Variants in CLCN7 observed in about 807,000 individuals in gnomAD.
The protein encoded by CLCN7 is Cl-/H+ antiporter 7, also known as H(+)/Cl(-) exchange transporter 7.
A neutral mutation model predicts 102.1 loss-of-function variants in CLCN7; 60 were observed. The observed-to-expected ratio is 0.59, with a 90% CI of 0.48 to 0.73. The LOEUF (loss-of-function observed/expected upper bound fraction) is 0.73, where lower values mean the gene tolerates loss of function less well. Among genes scored for constraint, CLCN7 ranks in the 30% least tolerant of loss-of-function variants. CLCN7 has a pLI of 0.00. For synonymous variants in CLCN7, 560 were observed against 490.5 expected, an observed-to-expected ratio of 1.14 and a Z score of -1.87; for missense variants, 962 against 1,125.7, an observed-to-expected ratio of 0.85 and a Z score of 2.08.
chr16:1,465,774 T>C (rs573037421), intron 1 of CLCN7, among the ~76,000 whole-genome samples: 8 of 152,326 alleles, frequency 5.3e-5, no homozygotes, highest in African/African-American at 1.2e-4. Flanking sequence ...TCTCTGGGTC[T>C]TGAGACACAA....
chr16:1,460,632 G>T, intron 5 of CLCN7, 105 bp from the exon 6 acceptor site: 2 of 1,269,232 alleles, frequency 1.6e-6, no homozygotes, highest in Non-Finnish European at 2.3e-6. Context: ...CCTGCTGGGT[G>T]GAGCCATGAT....
chr16:1,450,140 C>A (rs2038721535), intron 17 of CLCN7: 2 of 355,776 alleles, frequency 5.6e-6, no homozygotes, highest in Non-Finnish European at 1.1e-5. Context: ...GGCCCCCGGC[C>A]TCACAGAGAG....
chr16:1,446,613 T>G lies in CLCN7; in HGVS notation c.*18A>C, dbSNP rs2038648353. Reference sequence around the variant, plus strand: ...CCGGGGTGCCAGCGCCAGTGCCCATTATGGGCAGGGCTGGGCCTCACGTCT... The same window carrying G: ...CCGGGGTGCCAGCGCCAGTGCCCATGATGGGCAGGGCTGGGCCTCACGTCT... On this transcript the variant is annotated 3_prime_UTR_variant, in exon 25 of 25. Coordinates refer to ENST00000382745, the MANE Select transcript of CLCN7 (RefSeq NM_001287.6). 11 of 1,548,214 alleles carry G rather than the reference T, an allele frequency of 7.1e-6. No individual in the cohort carries two copies. The highest frequency in any genetic ancestry group is 9.6e-6 in the Non-Finnish European group (11 of 1,142,770).
chr16:1,446,542 G>A lies in CLCN7; in HGVS notation c.*89C>T, dbSNP rs372232215. ...CGCCATTGCCACTGCTGGGGAGCAT[G>A]GTTTGGGCCGAGAAACCAGTGACTC... On this transcript the variant is annotated 3_prime_UTR_variant, in exon 25 of 25. Coordinates refer to ENST00000382745, the MANE Select transcript of CLCN7 (RefSeq NM_001287.6). The A allele has an allele frequency of 1.3e-4, 164 of 1,230,824 alleles. 2 individuals are homozygous for A. In the East Asian group the frequency reaches 1.6e-3, roughly 12 times the overall value. 76.2% of individuals were successfully genotyped at this position (1,230,824 alleles called of 1,614,324 possible). A position where few individuals can be genotyped will look rare whatever the true frequency, so the allele number is the denominator to read the frequency against.
intron 3 of CLCN7, 38 bp downstream of exon 3, chr16:1,461,565 G>A (rs2038937435): frequency 9.3e-6 from 15 of 1,611,192 alleles, no homozygotes; most frequent in Non-Finnish European, 1.3e-5. Context: ...GGGGGCAGAG[G>A]CCGGGTCTCA....
chr16:1,469,613 TAGGCAG>T (rs2142402556), intron 1 of CLCN7, among the ~76,000 whole-genome samples: 1 of 152,138 alleles, frequency 6.6e-6, no homozygotes, highest in East Asian at 1.9e-4. Flanking sequence ...TTGAACCCAA[TAGGCAG>T]AGGTCGTGGT....
chr16:1,455,881 C>A (rs1012541746), intron 10 of CLCN7, 86 bp from the exon 11 acceptor site: 22 of 1,453,850 alleles, frequency 1.5e-5, no homozygotes, highest in Non-Finnish European at 2.1e-5. Flanking sequence ...CTCCAGGGAA[C>A]CCAGACCACG....
chr16:1,465,183 G>T, intron 2 of CLCN7, 84 bp downstream of exon 2: 1 of 1,364,772 alleles, frequency 7.3e-7, no homozygotes, highest in Non-Finnish European at 1.0e-6. Context: ...CTATCTCCCT[G>T]CCGCTCGGCC....
intron 11 of CLCN7, 76 bp downstream of exon 11, chr16:1,455,655 C>T: frequency 6.7e-7 from 1 of 1,502,346 alleles, no homozygotes; most frequent in Non-Finnish European, 9.2e-7. Context: ...TGGGTGGCCC[C>T]AAGGTGGACC....
intron 6 of CLCN7, 73 bp from the exon 7 acceptor site, chr16:1,459,260 C>G: frequency 9.7e-7 from 1 of 1,034,288 alleles, no homozygotes; most frequent in Non-Finnish European, 1.4e-6. Context: ...GCCCCAGGAG[C>G]CCCAGGAGCT....
intron 11 of CLCN7, 116 bp downstream of exon 11, chr16:1,455,615 A>C: frequency 8.8e-7 from 1 of 1,132,322 alleles, no homozygotes; most frequent in Non-Finnish European, 1.3e-6. Flanking sequence ...TGACAGACCC[A>C]CAGGGGGTCC....
At chr16:1,449,482 T>C in intron 17 of CLCN7, 155 bp from the exon 18 acceptor site, 1 of 680,510 alleles carries the variant, frequency 1.5e-6, no homozygotes, top group Non-Finnish European at 2.6e-6. Context: ...CCTAGCACAG[T>C]ACACCCTGCT....
At position 1,460,840 on chromosome 16, in the gene CLCN7, G is replaced by C. The variant is rs1345842000; in HGVS notation, c.460C>G (p.Leu154Val). ...CTGCCCTTGATGACCCTGTACTTGA[G>C]GCCAGCCAGGTTTTCCACCACGATG... ...IDIVVENLAGLKYRVIKGNID... is the reference protein window; with the variant it reads ...IDIVVENLAGVKYRVIKGNID... The change falls in exon 5 of 25, where the codon CTC becomes GTC. Residue 154 changes from leucine to valine, a missense_variant. Physicochemically the swap from Leu to Val is conservative, Grantham distance 32 (BLOSUM62 1). Transcript: ENST00000382745. 1.9e-6 allele frequency: 3 copies of C among 1,613,934 alleles called. No individual in the cohort carries two copies. Among genetic ancestry groups the C allele is most frequent in the Non-Finnish European group, 2.5e-6 (3 of 1,179,960 alleles).
chr16:1,450,472 C>G, intron 17 of CLCN7, 25 bp downstream of exon 17: 2 of 1,575,806 alleles, frequency 1.3e-6, no homozygotes, highest in Non-Finnish European at 1.7e-6. Flanking sequence ...CAGGGCCCCA[C>G]AGCCTCCCCT....
At position 1,446,463 on chromosome 16, in the gene CLCN7, C is replaced by A; in HGVS notation, c.*168G>T. The A allele has an allele frequency of 1.4e-6, 1 of 719,026 alleles. No individual in the cohort carries two copies. The highest frequency in any genetic ancestry group is 1.5e-5 in the South Asian group (1 of 67,908). 44.5% of individuals were successfully genotyped at this position (719,026 alleles called of 1,614,324 possible). A position where few individuals can be genotyped will look rare whatever the true frequency, so the allele number is the denominator to read the frequency against. On this transcript the variant is annotated 3_prime_UTR_variant, in exon 25 of 25. Coordinates refer to ENST00000382745, the MANE Select transcript of CLCN7 (RefSeq NM_001287.6). ...ACCACTGCCCACAACAGGGTCAGTC[C>A]CGCGAGAGGGTCAGTTCCGCGCCTG...
intron 1 of CLCN7, among the ~76,000 whole-genome samples, chr16:1,466,027 C>G (rs542133986): frequency 6.6e-6 from 1 of 152,246 alleles, no homozygotes; most frequent in African/African-American, 2.4e-5. Context: ...GCCTCCTTTC[C>G]CCAAAGAGAT....
rs80256155 is a variant in CLCN7, at chr16:1,468,668, G to C, written c.142-3330C>G. ...GAGAGGCGAGACTCGGGCCGGACGG[G>C]AGGCGAGGTCATCAGGGTTGGGAGT... On this transcript the variant is annotated intron_variant, in intron 1 of 24. Coordinates refer to ENST00000382745, the MANE Select transcript of CLCN7 (RefSeq NM_001287.6). 5.2e-3 allele frequency among the ~76,000 whole-genome samples: 794 copies of C among 152,226 alleles called. 9 individuals carry two copies. The highest frequency in any genetic ancestry group is 0.018 in the African/African-American group (762 of 41,526).
At chr16:1,474,796 G>C (rs1408258977) in intron 1 of CLCN7, 38 bp downstream of exon 1, 9 of 1,284,464 alleles carry the variant, frequency 7.0e-6, no homozygotes, top group Non-Finnish European at 8.9e-6. Flanking sequence ...GGGCGCACGA[G>C]GGCTCAGTTT....
At chr16:1,450,767 A>T (rs1468249419) in intron 16 of CLCN7, 101 bp from the exon 17 acceptor site, 1 of 1,055,292 alleles carries the variant, frequency 9.5e-7, no homozygotes, top group Non-Finnish European at 1.3e-6. Context: ...ACCTTCCAGG[A>T]GCCCAGCAAC....
Sources: gnomAD v4.1 joint callset for allele counts (sites outside exome capture counted in the v4.1 genomes callset) on GRCh38, gnomAD v4.1.1 for gene constraint, MANE v1.5 for transcripts, NCBI Gene and HGNC (gene_info 2026-07-23, HGNC 2026-07-21) for gene names.